Variants in TSHZ3 observed in about 807,000 individuals in gnomAD.
TSHZ3 encodes teashirt homolog 3.
TSHZ3 carries 10 observed loss-of-function variants against 64.5 expected under a neutral mutation model. The ratio of observed to expected loss-of-function variants is 0.16; its 90% CI spans 0.10 to 0.26. TSHZ3 has a LOEUF of 0.26. TSHZ3 is among the 10% of genes least tolerant of loss of function. TSHZ3 has a pLI of 1.00. For synonymous variants in TSHZ3, 608 were observed against 593.1 expected (o/e 1.03, Z -0.36); for missense variants, 1,242 against 1,421.7 (o/e 0.87, Z 2.03).
In TSHZ3 at chr19:31,170,435, C is replaced by T. The variant is rs114712762; in HGVS notation, n.810-14018G>A. Among the ~76,000 whole-genome samples the T allele has an allele frequency of 2.7e-3, 417 of 152,258 alleles. 3 individuals carry two copies. The highest frequency in any genetic ancestry group is 9.0e-3 in the African/African-American group (373 of 41,552). The stretch of plus-strand genomic sequence containing the variant: ...AATTCCATCATGTTGAGGTGTAGGG[C>T]CTCAACATATGATTTGGGGGTTTGG... On this transcript the variant is annotated intron_variant and non_coding_transcript_variant, in intron 5 of 6. Coordinates refer to the TSHZ3 transcript ENST00000651361.
Position 31,279,612 on chromosome 19 carries a change from T to C in TSHZ3, c.181A>G (p.Asn61Asp). ...ELARACPSYQ[N>D]SPAAEFSCHE... ...CAGGAAAACTCGGCGGCCGGGGAGT[T>C]CTGGTAGCTGGGGCAGGCCCTGGCG... Residue 61 changes from asparagine (N) to aspartate (D), a missense_variant, in exon 2 of 2, where the codon AAC (asparagine) becomes GAC (aspartate). By Grantham distance (23) the Asn-to-Asp change is conservative. Coordinates refer to ENST00000240587, the MANE Select transcript of TSHZ3 (RefSeq NM_020856.4). This position sits in a 1 kb window ranked among gnomAD's most constrained non-coding sequence, Gnocchi z 6.4. 1.2e-6 allele frequency: 2 copies of C among 1,612,286 alleles called. No homozygotes were observed. The highest frequency in any genetic ancestry group is 1.7e-6 in the Non-Finnish European group (2 of 1,178,950).
chr19:31,151,789 A>G (rs1352309215), intron 6 of TSHZ3, among the ~76,000 whole-genome samples: 2 of 152,202 alleles, frequency 1.3e-5, no homozygotes, highest in South Asian at 2.1e-4. Flanking sequence ...CACTCGTGAA[A>G]TTCAGGCTGA....
chr19:31,278,607 C>T lies in TSHZ3; in HGVS notation c.1186G>A (p.Asp396Asn), dbSNP rs961258103. 6.2e-7 allele frequency: 1 copy of T among 1,614,082 alleles called. No homozygotes were observed. Among genetic ancestry groups the T allele is most frequent in the African/African-American group, 1.3e-5 (1 of 74,930 alleles). Reference sequence around the variant, plus strand: ...TGGGCAGTGAGCTCCTGCAGGGTGTCATGCGAGCTCCCACACTCCATGCAC... The same window carrying T: ...TGGGCAGTGAGCTCCTGCAGGGTGTTATGCGAGCTCCCACACTCCATGCAC... ...LKCMECGSSHDTLQELTAHMM... is the reference protein window; with the variant it reads ...LKCMECGSSHNTLQELTAHMM... Residue 396 changes from aspartate to asparagine, a missense_variant, in exon 2 of 2, where the codon GAC (aspartate) becomes AAC (asparagine). Around this residue, in one of 4 missense-constraint regions of TSHZ3, gnomAD observed 555 missense variants for 704.0 expected, o/e 0.79. Coordinates refer to ENST00000240587, the MANE Select transcript of TSHZ3 (RefSeq NM_020856.4). This position sits in a 1 kb window ranked among gnomAD's most constrained non-coding sequence, Gnocchi z 4.7.
chr19:31,288,931 G>T (rs1036436879), intron 1 of TSHZ3, among the ~76,000 whole-genome samples: 2 of 152,208 alleles, frequency 1.3e-5, no homozygotes, highest in Non-Finnish European at 2.9e-5. Context: ...CCCTGCCATG[G>T]ATTAGTCCTG....
intron 1 of TSHZ3, among the ~76,000 whole-genome samples, chr19:31,331,712 C>CACCACCT (rs1332085347): frequency 2.0e-5 from 3 of 152,236 alleles, no homozygotes; most frequent in African/African-American, 7.2e-5. Flanking sequence ...ACCTTATGTT[C>CACCACCT]ACCACCTGCC....
chr19:31,235,307 A>C (rs1000664630), intron 3 of TSHZ3, among the ~76,000 whole-genome samples: 1 of 152,180 alleles, frequency 6.6e-6, no homozygotes, highest in Non-Finnish European at 1.5e-5. Flanking sequence ...TGTATCCCAA[A>C]TAACTGAGCC....
At chr19:31,240,712 T>A (rs775478054) in intron 3 of TSHZ3, among the ~76,000 whole-genome samples, 31 of 152,326 alleles carry the variant, frequency 2.0e-4, no homozygotes, top group Admixed American at 1.0e-3. Flanking sequence ...TTTTTTTAAT[T>A]CTTTTTTTCC....
chr19:31,276,684 G>T lies in TSHZ3; in HGVS notation c.3109C>A (p.Leu1037Met), dbSNP rs1184138566. ...AGTTTGCACTGATAGGAAGTCCCCA[G>T]GTCTTCCTCGGGGGAGGACGTCACC... ...KMVTSSPEED[L>M]GTSYQCKLCN... is the part of the protein sequence containing the mutation. Residue 1037 changes from leucine (L) to methionine (M), a missense_variant, in exon 2 of 2, where the codon CTG becomes ATG. Leu to Met is a conservative substitution (Grantham distance 15). Around this residue, in one of 4 missense-constraint regions of TSHZ3, gnomAD observed 126 missense variants for 140.6 expected, o/e 0.90. Coordinates refer to ENST00000240587, the MANE Select transcript of TSHZ3 (RefSeq NM_020856.4). 3 of 1,613,856 alleles carry T rather than the reference G, an allele frequency of 1.9e-6. No homozygotes were observed. The highest frequency in any genetic ancestry group is 2.5e-6 in the Non-Finnish European group (3 of 1,179,746).
chr19:31,273,180 C>CGCCA (rs1976169550), downstream of TSHZ3, among the ~76,000 whole-genome samples: 1 of 152,130 alleles, frequency 6.6e-6, no homozygotes, highest in African/African-American at 2.4e-5. Context: ...AAACCATATC[C>CGCCA]GCCATGCTGC....
At chr19:31,349,442 C>A, upstream of TSHZ3, 2 of 360,626 alleles carry the variant, frequency 5.5e-6, no homozygotes, top group Non-Finnish European at 9.8e-6. Flanking sequence ...AGAAGGAGGG[C>A]GGGCGAGGGA....
At chr19:31,308,478 C>A in intron 1 of TSHZ3, 1 of 388,916 alleles carries the variant, frequency 2.6e-6, no homozygotes, top group East Asian at 3.7e-5. Context: ...CTTGGGGACA[C>A]AAGGGTCCAA....
intron 4 of TSHZ3, among the ~76,000 whole-genome samples, chr19:31,225,189 A>G (rs1568353107): frequency 6.6e-6 from 1 of 152,238 alleles, no homozygotes; most frequent in South Asian, 2.1e-4. Flanking sequence ...TCAGGTGCCC[A>G]TAGAGCATGA....
rs556194784 is a variant in TSHZ3, at chr19:31,237,749, G to A, written n.550+4520C>T. On this transcript the variant is annotated intron_variant and non_coding_transcript_variant, in intron 3 of 6. Coordinates refer to the TSHZ3 transcript ENST00000651361. ...ATATTGCAAGCTATACATTCTTTTC[G>A]AAGTATTGCTTTAGCTGTACACTGC... Among the ~76,000 whole-genome samples, 16 of 152,010 alleles carry A rather than the reference G, an allele frequency of 1.1e-4. No individual in the cohort carries two copies. In the South Asian group the frequency reaches 1.7e-3, roughly 16 times the overall value.
At chr19:31,164,095 C>G (rs575385160) in intron 5 of TSHZ3, among the ~76,000 whole-genome samples, 1 of 152,072 alleles carries the variant, frequency 6.6e-6, no homozygotes, top group Non-Finnish European at 1.5e-5. Flanking sequence ...GACCCTTGAC[C>G]CCGACACCTT....
chr19:31,276,916 C>G lies in TSHZ3; in HGVS notation c.2877G>C (p.Arg959Ser), dbSNP rs1976246942. The change falls in exon 2 of 2, where the codon AGG (arginine) becomes AGC (serine). Residue 959 changes from arginine (R) to serine (S), a missense_variant. Physicochemically the swap from Arg to Ser is moderately radical, Grantham distance 110. This residue lies in a region of TSHZ3 where 11 missense variants were observed against 31.9 expected (regional missense o/e 0.34). Transcript: ENST00000240587. ...WLANVKYQLR[R>S]TGGTKFLKNL... Reference sequence around the variant, plus strand: ...TTTTGAGGAACTTTGTTCCACCTGTCCTTCGAAGCTGGTATTTCACGTTGG... The same window carrying G: ...TTTTGAGGAACTTTGTTCCACCTGTGCTTCGAAGCTGGTATTTCACGTTGG... The G allele has an allele frequency of 6.2e-7, 1 of 1,614,202 alleles. No homozygotes were observed. The highest frequency in any genetic ancestry group is 8.5e-7 in the Non-Finnish European group (1 of 1,180,038).
At chr19:31,341,792 C>T (rs1219703905) in intron 1 of TSHZ3, among the ~76,000 whole-genome samples, 1 of 152,174 alleles carries the variant, frequency 6.6e-6, no homozygotes, top group Non-Finnish European at 1.5e-5. Context: ...CCTGGTTCCA[C>T]GGCTACTTCT....
chr19:31,344,054 C>T (rs1917513857), intron 1 of TSHZ3, among the ~76,000 whole-genome samples: 2 of 152,182 alleles, frequency 1.3e-5, no homozygotes, highest in Admixed American at 1.3e-4. Context: ...AGTCTAATTA[C>T]AACTGCACAT....
At chr19:31,208,871 T>C (rs950076816) in intron 4 of TSHZ3, among the ~76,000 whole-genome samples, 1 of 152,072 alleles carries the variant, frequency 6.6e-6, no homozygotes, top group Non-Finnish European at 1.5e-5. Flanking sequence ...ATAAATTGAG[T>C]TGTGGAAGGC....
chr19:31,192,650 G>C (rs907151745), intron 5 of TSHZ3, among the ~76,000 whole-genome samples: 1 of 151,848 alleles, frequency 6.6e-6, no homozygotes, highest in Non-Finnish European at 1.5e-5. Flanking sequence ...ATTGTTTTGG[G>C]GCCAACTTTA....
Sources: allele counts gnomAD v4.1 joint callset (sites outside exome capture counted in the v4.1 genomes callset), GRCh38; gene constraint gnomAD v4.1.1; regional missense constraint gnomAD v4.1.1; non-coding constraint Gnocchi (gnomAD v3.1); transcripts MANE v1.5; gene names NCBI Gene and HGNC (gene_info 2026-07-23, HGNC 2026-07-21).